CP: variants seen among roughly 807,000 people sequenced by gnomAD.
CP encodes the protein caeruloplasmin.
A neutral mutation model predicts 122.4 loss-of-function variants in CP; 64 were observed. That is an observed-to-expected ratio of 0.52 (90% CI 0.43 to 0.64). The LOEUF (loss-of-function observed/expected upper bound fraction) is 0.64. Ranked by LOEUF, CP falls within the 30% of genes least tolerant of loss-of-function variation. The pLI, the probability that CP is intolerant of heterozygous loss-of-function variation, is 0.00. For missense variants in CP, 1,167 were observed against 1,284.4 expected (o/e 0.91, Z 1.40); for synonymous variants, 440 against 436.4 (o/e 1.01, Z -0.10).
At position 149,210,267 on chromosome 3, in the gene CP, T is replaced by A; in HGVS notation, c.507A>T (p.Glu169Asp). The change falls in exon 3 of 19, where the codon GAA becomes GAT. Residue 169 changes from glutamate (E) to aspartate (D), a missense_variant. Coordinates refer to ENST00000264613, the MANE Select transcript of CP (RefSeq NM_000096.4). ...TCCTAGTCACACAATTGCCATCTCC[T>A]TCCCCAGGACTTTGTTCTTCAGTGG... is the stretch of plus-strand genomic sequence containing the variant. ...LLATEEQSPG[E>D]GDGNCVTRIY... 6.2e-7 allele frequency: 1 copy of A among 1,614,104 alleles called. No individual in the cohort carries two copies. The highest frequency in any genetic ancestry group is 8.5e-7 in the Non-Finnish European group (1 of 1,179,960).
chr3:149,178,494 G>T lies in CP; in HGVS notation c.2799C>A (p.Asp933Glu), dbSNP rs371350924. Residue 933 changes from aspartate to glutamate, a missense_variant, in exon 16 of 19, where the codon GAC becomes GAA. Coordinates refer to ENST00000264613, the MANE Select transcript of CP (RefSeq NM_000096.4). ...GGTGATCAGAGTATGTTTTGATGTT[G>T]TCATCTAAGTACCAAGATTCATTCT... Reference protein sequence around the residue: ...FDENESWYLDDNIKTYSDHPE... With the variant: ...FDENESWYLDENIKTYSDHPE... The T allele has an allele frequency of 1.6e-5, 26 of 1,612,972 alleles. No individual in the cohort carries two copies. Among genetic ancestry groups the T allele is most frequent in the Non-Finnish European group, 2.1e-5 (25 of 1,179,288 alleles).
chr3:149,196,946 A>G (rs1726930969), intron 9 of CP, among the ~76,000 whole-genome samples: 1 of 152,172 alleles, frequency 6.6e-6, no homozygotes. Context: ...ACATTCCACC[A>G]CAAAAGAAAT....
intron 14 of CP, 29 bp downstream of exon 14, chr3:149,181,976 A>AG: frequency 3.6e-6 from 2 of 561,808 alleles, no homozygotes; most frequent in Non-Finnish European, 6.7e-6. Context: ...GTTAAAATGC[A>AG]CCACCCCCAC....
At chr3:149,182,243 T>C (rs1725836354) in intron 13 of CP, 110 bp from the exon 14 acceptor site, 1 of 1,161,852 alleles carries the variant, frequency 8.6e-7, no homozygotes, top group Admixed American at 1.8e-5. Flanking sequence ...TGTGGTATAA[T>C]ACTCTTGGAT....
intron 5 of CP, 123 bp downstream of exon 5, chr3:149,207,240 A>G: frequency 9.3e-7 from 1 of 1,080,582 alleles, no homozygotes; most frequent in Admixed American, 1.9e-5. Flanking sequence ...ATACCATCAT[A>G]GGGATAAAAC....
chr3:149,163,780 G>A, intron 5 of CP: 1 of 883,952 alleles, frequency 1.1e-6, no homozygotes, highest in Non-Finnish European at 1.9e-6. Context: ...TGCTCTTTGT[G>A]GAATGGATAA....
chr3:149,179,286 A>T (rs1186166520), intron 15 of CP, among the ~76,000 whole-genome samples: 2 of 152,270 alleles, frequency 1.3e-5, no homozygotes, highest in South Asian at 2.1e-4. Context: ...ATTCTTGGTC[A>T]ATTTTTCAGT....
At chr3:149,171,914 C>T (rs1725029865), downstream of CP, among the ~76,000 whole-genome samples, 1 of 151,890 alleles carries the variant, frequency 6.6e-6, no homozygotes, top group Non-Finnish European at 1.5e-5. Flanking sequence ...ACCATGTTGG[C>T]CAGACTGGTC....
intron 15 of CP, 86 bp downstream of exon 15, chr3:149,179,470 G>T: frequency 3.0e-6 from 3 of 997,794 alleles, no homozygotes; most frequent in African/African-American, 1.6e-5. Context: ...ACGTAGAATT[G>T]GACCACAGGA....
At chr3:149,168,608 C>T (rs1724669467), downstream of CP, 1 of 152,280 alleles carries the variant, frequency 6.6e-6, no homozygotes, top group South Asian at 2.1e-4. Context: ...TTGTGTTTTC[C>T]AGCCAAGACA....
chr3:149,209,664 G>A (rs776479452), intron 3 of CP, among the ~76,000 whole-genome samples: 17 of 152,044 alleles, frequency 1.1e-4, no homozygotes, highest in Admixed American at 9.2e-4. Context: ...AAAGTTGTGC[G>A]TCTATTTTCT....
Position 149,202,232 on chromosome 3 carries a change from C to G in CP, c.1218G>C (p.Ala406=). The change falls in exon 7 of 19, where the codon GCG becomes GCC. Residue 406 remains alanine (A), a synonymous_variant. Transcript: ENST00000264613. ...ENLTAPGSDS[A]VFFEQGTTRI... ...TTGTGGTACCTTGTTCAAAAAACAC[C>G]GCTGAGTCACTGCAGGGGGAAAAAA... 2 of 1,614,108 alleles carry G rather than the reference C, an allele frequency of 1.2e-6. No individual in the cohort carries two copies. Among genetic ancestry groups the G allele is most frequent in the Non-Finnish European group, 8.5e-7 (1 of 1,180,016 alleles).
intron 6 of CP, among the ~76,000 whole-genome samples, chr3:149,202,567 A>G (rs1727405642): frequency 6.6e-6 from 1 of 151,440 alleles, no homozygotes; most frequent in Non-Finnish European, 1.5e-5. Flanking sequence ...GTTTAAAAAC[A>G]CAGTGGCTAG....
intron 10 of CP, among the ~76,000 whole-genome samples, chr3:149,187,139 C>T (rs1404091539): frequency 1.3e-5 from 2 of 152,074 alleles, no homozygotes; most frequent in South Asian, 2.1e-4. Flanking sequence ...AAAAAAAAGT[C>T]TCTAATTCAT....
rs1023276976 is a variant in CP, at chr3:149,174,703, A to C, written c.3182-973T>G. 1.4e-4 allele frequency among the ~76,000 whole-genome samples: 21 copies of C among 152,324 alleles called. No homozygotes were observed. In the East Asian group the frequency reaches 1.7e-3, roughly 13 times the overall value. ...TAAGCAGGCTTTTCTAAGACTCATA[A>C]TTAATGTAAACTTGCTCAAAGCTTT... On this transcript the variant is annotated intron_variant, in intron 18 of 18. Coordinates refer to ENST00000264613, the MANE Select transcript of CP (RefSeq NM_000096.4).
Position 149,198,533 on chromosome 3 carries a change from G to C in CP, c.1547C>G (p.Thr516Ser), listed in dbSNP as rs754696744. Residue 516 changes from threonine (T) to serine (S), a missense_variant, in exon 9 of 19, where the codon ACC becomes AGC. This residue lies in a region of CP where 642 missense variants were observed against 627.3 expected (regional missense o/e 1.02). Coordinates refer to ENST00000264613, the MANE Select transcript of CP (RefSeq NM_000096.4). ...TTCTTTGGGGACAGTCCATTCATAG[G>C]TGAATGTTTCTGTGGGTGCCACATG... ...ASHVAPTETF[T>S]YEWTVPKEVG... is the part of the protein sequence containing the mutation. 1 of 1,614,016 alleles carries C rather than the reference G, an allele frequency of 6.2e-7. No homozygotes were observed. Among genetic ancestry groups the C allele is most frequent in the African/African-American group, 1.3e-5 (1 of 74,930 alleles).
intron 5 of CP, among the ~76,000 whole-genome samples, chr3:149,164,526 G>T (rs979229641): frequency 6.6e-6 from 1 of 152,180 alleles, no homozygotes; most frequent in South Asian, 2.1e-4. Flanking sequence ...ATCAGGCTGG[G>T]CCACATGAGC....
At chr3:149,170,768 A>C (rs1237038311), downstream of CP, among the ~76,000 whole-genome samples, 1 of 152,116 alleles carries the variant, frequency 6.6e-6, no homozygotes, top group Non-Finnish European at 1.5e-5. Flanking sequence ...TATTTCACTT[A>C]CTCTGCAAAT....
rs372825584 is a variant in CP, at chr3:149,209,314, T to C, written c.678A>G (p.Glu226=). 112 of 1,613,730 alleles carry C rather than the reference T, an allele frequency of 6.9e-5. No individual in the cohort carries two copies. The highest frequency in any genetic ancestry group is 8.5e-5 in the Non-Finnish European group (100 of 1,179,812). ...EFVVMFSVVD[E]NFSWYLEDNI... is the part of the protein sequence containing the mutation. The stretch of plus-strand genomic sequence containing the variant: ...TGTCTTCTAGGTACCAGCTGAAATT[T>C]TCATCCACCACAGAAAACATCACCA... The change falls in exon 4 of 19, where the codon GAA becomes GAG. Residue 226 remains glutamate (E), a synonymous_variant. Transcript: ENST00000264613.
Sources: allele counts gnomAD v4.1 joint callset (sites outside exome capture counted in the v4.1 genomes callset), GRCh38; gene constraint gnomAD v4.1.1; regional missense constraint gnomAD v4.1.1; transcripts MANE v1.5; gene names NCBI Gene and HGNC (gene_info 2026-07-23, HGNC 2026-07-21).